Variants in TASP1 observed in about 807,000 individuals in gnomAD.
The protein encoded by TASP1 is threonine aspartase 1.
TASP1 carries 16 observed loss-of-function variants against 56.6 expected under a neutral mutation model. The ratio of observed to expected loss-of-function variants is 0.28; its 90% CI spans 0.19 to 0.43. TASP1 has a LOEUF of 0.43. TASP1 is among the 20% of genes least tolerant of loss of function. The pLI is 1.00. For synonymous variants in TASP1, 179 were observed against 184.2 expected, an observed-to-expected ratio of 0.97 and a Z score of 0.23; for missense variants, 393 against 511.6, an observed-to-expected ratio of 0.77 and a Z score of 2.24.
At chr20:13,444,381 C>G (rs148609754) in intron 11 of TASP1, among the ~76,000 whole-genome samples, 1 of 152,014 alleles carries the variant, frequency 6.6e-6, no homozygotes, top group Non-Finnish European at 1.5e-5. Flanking sequence ...AATTCCTATG[C>G]GCCAAATCAC....
chr20:13,195,447 C>T, the TASP1 span, among the ~76,000 whole-genome samples: 1 of 152,192 alleles, frequency 6.6e-6, no homozygotes, highest in Non-Finnish European at 1.5e-5. Context: ...TTTTCCATAG[C>T]CCTCAATCAG....
At chr20:13,356,897 T>TACA in the TASP1 span, among the ~76,000 whole-genome samples, 77 of 152,324 alleles carry the variant, frequency 5.1e-4, no homozygotes, top group African/African-American at 1.7e-3. Context: ...CTGTGGTCTT[T>TACA]TTGTAGAGTT....
At chr20:13,211,130 C>T in the TASP1 span, among the ~76,000 whole-genome samples, 1 of 152,078 alleles carries the variant, frequency 6.6e-6, no homozygotes, top group Non-Finnish European at 1.5e-5. Context: ...GTAATTAGAG[C>T]CATCACAAAT....
intron 11 of TASP1, among the ~76,000 whole-genome samples, chr20:13,449,748 C>G (rs962943701): frequency 3.9e-5 from 6 of 152,076 alleles, no homozygotes; most frequent in Non-Finnish European, 7.4e-5. Context: ...ACTTACAACT[C>G]TAGGTCTAGA....
At chr20:13,213,677 C>T in the TASP1 span, among the ~76,000 whole-genome samples, 1 of 152,162 alleles carries the variant, frequency 6.6e-6, no homozygotes, top group African/African-American at 2.4e-5. Flanking sequence ...AACATATTCT[C>T]AATCAAGAAT....
intron 11 of TASP1, among the ~76,000 whole-genome samples, chr20:13,475,071 T>C (rs904166237): frequency 6.6e-6 from 1 of 152,180 alleles, no homozygotes; most frequent in African/African-American, 2.4e-5. Flanking sequence ...ACTAAACAAC[T>C]TGGAAAAGTA....
chr20:13,490,447 G>A (rs1462425093), intron 10 of TASP1, among the ~76,000 whole-genome samples: 1 of 152,072 alleles, frequency 6.6e-6, no homozygotes, highest in Admixed American at 6.6e-5. Context: ...GAAACTAGAA[G>A]AGTTAATTAA....
the TASP1 span, among the ~76,000 whole-genome samples, chr20:13,296,736 T>A: frequency 6.6e-6 from 1 of 152,184 alleles, no homozygotes; most frequent in Non-Finnish European, 1.5e-5. Flanking sequence ...ATGCATTTTG[T>A]CAGCCAGGCG....
the TASP1 span, among the ~76,000 whole-genome samples, chr20:13,333,786 A>C: frequency 6.6e-6 from 1 of 152,234 alleles, no homozygotes; most frequent in Non-Finnish European, 1.5e-5. Flanking sequence ...TGAATCTTTT[A>C]AAATGCATCA....
the TASP1 span, among the ~76,000 whole-genome samples, chr20:13,115,222 C>T: frequency 0.024 from 3,651 of 152,238 alleles, 149 homozygotes; most frequent in African/African-American, 0.083. Context: ...TGGGAAAAGG[C>T]TCAATTCAAA....
intron 10 of TASP1, among the ~76,000 whole-genome samples, chr20:13,494,891 A>C (rs2043665252): frequency 6.6e-6 from 1 of 152,014 alleles, no homozygotes. Flanking sequence ...AGCACATCCC[A>C]ACAAAATAAA....
chr20:13,593,142 C>A (rs112977598), intron 4 of TASP1, among the ~76,000 whole-genome samples: 10 of 152,196 alleles, frequency 6.6e-5, no homozygotes, highest in African/African-American at 2.4e-4. Context: ...ATTTCCTTAA[C>A]TTAATTAACT....
the TASP1 span, among the ~76,000 whole-genome samples, chr20:13,363,240 C>T: frequency 2.0e-5 from 3 of 152,100 alleles, no homozygotes; most frequent in African/African-American, 7.2e-5. Flanking sequence ...GCTCCACCCA[C>T]ACTCTTTGGA....
At chr20:13,637,676 T>C (rs960628440) in intron 1 of TASP1, among the ~76,000 whole-genome samples, 1 of 152,180 alleles carries the variant, frequency 6.6e-6, no homozygotes, top group African/African-American at 2.4e-5. Context: ...AATGCCAGTA[T>C]AGGAAAATCC....
chr20:13,223,323 AAACT>A, the TASP1 span, among the ~76,000 whole-genome samples: 2 of 152,208 alleles, frequency 1.3e-5, no homozygotes, highest in African/African-American at 4.8e-5. Flanking sequence ...CGTAAAGAGA[AAACT>A]AATAAAACAC....
rs182974923 is a variant in TASP1 at position 13,396,178 on chromosome 20, C to T, written c.1171-5726G>A. ...TTGACTCAGGAGACACTGCCACCCACCCCTATCCTTTTCCCAGAAGTTCCC... is the reference window on the plus strand; with the variant it reads ...TTGACTCAGGAGACACTGCCACCCATCCCTATCCTTTTCCCAGAAGTTCCC... On this transcript the variant is annotated intron_variant, in intron 13 of 13. Transcript: ENST00000337743. 2.0e-5 allele frequency among the ~76,000 whole-genome samples: 3 copies of T among 152,258 alleles called. No homozygotes were observed. The East Asian group carries it at 5.8e-4, about 29-fold the overall frequency.
intron 8 of TASP1, among the ~76,000 whole-genome samples, chr20:13,542,525 C>T (rs527615458): frequency 1.2e-4 from 18 of 152,116 alleles, no homozygotes; most frequent in Non-Finnish European, 2.2e-4. Context: ...TTTTATAGCA[C>T]TGACAGATCT....
At chr20:13,311,962 T>C in the TASP1 span, among the ~76,000 whole-genome samples, 1 of 152,198 alleles carries the variant, frequency 6.6e-6, no homozygotes, top group African/African-American at 2.4e-5. Context: ...AATGTGGTGA[T>C]TGATATGTTA....
chr20:13,368,351 G>A, the TASP1 span: 2 of 152,166 alleles, frequency 1.3e-5, no homozygotes, highest in African/African-American at 4.8e-5. Flanking sequence ...CAGTATTCTT[G>A]GGATAGATGA....
Sources: allele counts gnomAD v4.1 joint callset (sites outside exome capture counted in the v4.1 genomes callset), GRCh38; gene constraint gnomAD v4.1.1; transcripts MANE v1.5; gene names NCBI Gene and HGNC (gene_info 2026-07-23, HGNC 2026-07-21).